The following MBTPS1 variants were observed in gnomAD, a reference collection of about 807,000 sequenced individuals.
MBTPS1 encodes the protein membrane-bound transcription factor site-1 protease.
MBTPS1 carries 94 observed loss-of-function variants against 127.8 expected under a neutral mutation model. That is an observed-to-expected ratio of 0.74 (90% CI 0.62 to 0.87). The LOEUF is 0.87. Among genes scored for constraint, MBTPS1 ranks in the 40% least tolerant of loss-of-function variants. The pLI, the probability that MBTPS1 is intolerant of heterozygous loss-of-function variation, is 0.00. For missense variants in MBTPS1, 1,636 were observed against 1,353.2 expected, an observed-to-expected ratio of 1.21 and a Z score of -3.28; for synonymous variants, 632 against 509.4, an observed-to-expected ratio of 1.24 and a Z score of -3.24.
rs1215881709 is a variant in MBTPS1, at chr16:84,056,113, G to A, written c.2854C>T (p.Leu952=). Residue 952 remains leucine (L), a synonymous_variant, in exon 22 of 23, where the codon CTA becomes TTA. Coordinates refer to ENST00000343411, the MANE Select transcript of MBTPS1 (RefSeq NM_003791.4). ...ACCTTGTCCAGGTCAATGGAGAGTAGCTTCTGATGTTTCCAAAGGTTACTT... is the reference window on the plus strand; with the variant it reads ...ACCTTGTCCAGGTCAATGGAGAGTAACTTCTGATGTTTCCAAAGGTTACTT... ...APSNLWKHQK[L]LSIDLDKVVL... The A allele has an allele frequency of 6.2e-6, 10 of 1,614,018 alleles. No individual in the cohort carries two copies. Among genetic ancestry groups the A allele is most frequent in the Non-Finnish European group, 8.5e-6 (10 of 1,179,848 alleles).
At chr16:84,116,167 G>A (rs1322911256) in intron 1 of MBTPS1, among the ~76,000 whole-genome samples, 3 of 152,080 alleles carry the variant, frequency 2.0e-5, no homozygotes, top group African/African-American at 7.2e-5. Context: ...AGATTCTCAG[G>A]GGCTCAACCC....
chr16:84,061,180 G>A (rs909830188), intron 19 of MBTPS1: 12 of 167,306 alleles, frequency 7.2e-5, no homozygotes, highest in Non-Finnish European at 1.3e-4. Flanking sequence ...CCCCAAAAGT[G>A]GGGGAAATGG....
chr16:84,111,754 A>G (rs1303625173), intron 1 of MBTPS1, among the ~76,000 whole-genome samples: 4 of 152,216 alleles, frequency 2.6e-5, no homozygotes, highest in African/African-American at 2.4e-5. Context: ...ACTGTGAGAC[A>G]GTAAATTCAT....
chr16:84,070,575 C>T lies in MBTPS1; in HGVS notation c.1782+13G>A, dbSNP rs200592665. On this transcript the variant is annotated intron_variant, in intron 13 of 22. Transcript: ENST00000343411. ...CAGCTAAGAAAACAAGCCACTTTCC[C>T]GCATATCCCTACCTCTGTCTCTGCT... 1.5e-4 allele frequency: 245 copies of T among 1,609,158 alleles called. No individual in the cohort carries two copies. The highest frequency in any genetic ancestry group is 2.0e-4 in the Non-Finnish European group (233 of 1,178,954).
intron 20 of MBTPS1, 113 bp downstream of exon 20, chr16:84,060,569 A>G: frequency 8.0e-7 from 1 of 1,248,572 alleles, no homozygotes. Flanking sequence ...AAAACCACTC[A>G]GCGGCGCACA....
chr16:84,087,520 T>C (rs1001071353), intron 8 of MBTPS1, 60 bp from the exon 9 acceptor site: 11 of 1,117,920 alleles, frequency 9.8e-6, no homozygotes, highest in Non-Finnish European at 1.4e-5. Context: ...AGAGAAATAA[T>C]TTAAAATGGA....
At chr16:84,072,370 A>G (rs935567975) in intron 12 of MBTPS1, among the ~76,000 whole-genome samples, 1 of 152,202 alleles carries the variant, frequency 6.6e-6, no homozygotes, top group African/African-American at 2.4e-5. Context: ...ATGTTCCTGA[A>G]GGAGATGTTG....
At position 84,059,912 on chromosome 16, in the gene MBTPS1, G is replaced by A. The variant is rs376330663; in HGVS notation, c.2705-484C>T. On this transcript the variant is annotated intron_variant, in intron 20 of 22. Coordinates refer to ENST00000343411, the MANE Select transcript of MBTPS1 (RefSeq NM_003791.4). Reference sequence around the variant, plus strand: ...CTGAGCAAGTGAAATAAGGTATCACGTGTTTAAATTCTAATATTCTTCATG... The same window carrying A: ...CTGAGCAAGTGAAATAAGGTATCACATGTTTAAATTCTAATATTCTTCATG... The A allele has an allele frequency of 3.2e-3, 485 of 152,910 alleles. 3 individuals carry two copies. The highest frequency in any genetic ancestry group is 0.011 in the African/African-American group (450 of 41,574). The allele number at this position is 152,910 out of a possible 1,614,324, so 9.5% of individuals were successfully genotyped here. A position where few individuals can be genotyped will look rare whatever the true frequency, so the allele number is the denominator to read the frequency against.
intron 19 of MBTPS1, chr16:84,061,041 C>T: frequency 3.0e-6 from 1 of 334,042 alleles, no homozygotes; most frequent in Non-Finnish European, 5.6e-6. Flanking sequence ...TGGTCTCAAA[C>T]TCCTGGGCTC....
At chr16:84,057,494 G>T (rs1003452708) in intron 21 of MBTPS1, 1 of 152,226 alleles carries the variant, frequency 6.6e-6, no homozygotes, top group Non-Finnish European at 1.5e-5. Flanking sequence ...AGCCACCGGA[G>T]CAGGAGTTCC....
rs150333081 is a variant in MBTPS1 at position 84,059,291 on chromosome 16, C to G, written c.2831+11G>C. ...CGTGGAAAGAGTGGAAGGGCACAGG[C>G]GGACACTAACCTGGGCGCCGTCTCG... is the stretch of plus-strand genomic sequence containing the variant. On this transcript the variant is annotated intron_variant, in intron 21 of 22. Transcript: ENST00000343411. 4 of 1,611,376 alleles carry G rather than the reference C, an allele frequency of 2.5e-6. 1 individual carries two copies. The African/African-American group carries it at 4.0e-5, about 16-fold the overall frequency.
intron 19 of MBTPS1, among the ~76,000 whole-genome samples, chr16:84,062,678 C>A (rs1487354747): frequency 1.3e-5 from 2 of 152,194 alleles, no homozygotes; most frequent in South Asian, 2.1e-4. Context: ...CATTCTTTCT[C>A]CCCTTTACAA....
chr16:84,095,962 T>A (rs187542659), intron 3 of MBTPS1, among the ~76,000 whole-genome samples, 157 bp from the exon 4 acceptor site: 6 of 152,344 alleles, frequency 3.9e-5, no homozygotes, highest in African/African-American at 1.4e-4. Flanking sequence ...ACAGTCTCAA[T>A]GCAATTATAA....
intron 1 of MBTPS1, among the ~76,000 whole-genome samples, chr16:84,112,101 C>A (rs2086405612): frequency 6.6e-6 from 1 of 152,104 alleles, no homozygotes; most frequent in African/African-American, 2.4e-5. Context: ...ACTCAGGAGG[C>A]TGAGGCAGGA....
At chr16:84,063,812 C>G (rs2151143330) in intron 18 of MBTPS1, among the ~76,000 whole-genome samples, 2 of 152,120 alleles carry the variant, frequency 1.3e-5, no homozygotes, top group South Asian at 4.1e-4. Flanking sequence ...TTTCAGACAC[C>G]TACACAAAGG....
intron 21 of MBTPS1, among the ~76,000 whole-genome samples, chr16:84,058,823 G>C (rs1378878910): frequency 6.6e-6 from 1 of 152,168 alleles, no homozygotes; most frequent in Admixed American, 6.5e-5. Flanking sequence ...TGCCATCGGA[G>C]GCGGGTGCTT....
In MBTPS1 at chr16:84,103,459, C is replaced by T. The variant is rs555732475; in HGVS notation, c.-324-1352G>A. ...TTTTAATATAGAGAAGCAGTCTCGG[C>T]ATTTTGTCCAGGCTGGTCTCAAACT... On this transcript the variant is annotated intron_variant, in intron 1 of 22. Transcript: ENST00000343411. Among the ~76,000 whole-genome samples, 17 of 152,156 alleles carry T rather than the reference C, an allele frequency of 1.1e-4. No individual in the cohort carries two copies. In the East Asian group the frequency reaches 3.3e-3, roughly 29 times the overall value.
At chr16:84,114,052 C>T (rs2086435434) in intron 1 of MBTPS1, among the ~76,000 whole-genome samples, 1 of 151,600 alleles carries the variant, frequency 6.6e-6, no homozygotes, top group Admixed American at 6.6e-5. Flanking sequence ...GCAACCTCTG[C>T]CTCCGGGGTT....
At chr16:84,077,349 G>A (rs1046979191) in intron 11 of MBTPS1, among the ~76,000 whole-genome samples, 1 of 151,632 alleles carries the variant, frequency 6.6e-6, no homozygotes, top group Non-Finnish European at 1.5e-5. Context: ...ATTAAAACAT[G>A]CTATAAAGTC....
Sources: allele counts gnomAD v4.1 joint callset (sites outside exome capture counted in the v4.1 genomes callset), GRCh38; gene constraint gnomAD v4.1.1; transcripts MANE v1.5; gene names NCBI Gene and HGNC (gene_info 2026-07-23, HGNC 2026-07-21).